The following DNAI3 variants were observed in gnomAD, a reference collection of about 807,000 sequenced individuals.
DNAI3 encodes dynein axonemal intermediate chain 3.
In DNAI3, 83 loss-of-function variants were observed where a neutral mutation model predicts 115.5. The observed-to-expected ratio is 0.72, with a 90% CI of 0.60 to 0.86. The LOEUF (loss-of-function observed/expected upper bound fraction) is 0.86, where lower values mean the gene tolerates loss of function less well. Ranked by LOEUF, DNAI3 falls within the 40% of genes least tolerant of loss-of-function variation. The pLI, the probability that DNAI3 is intolerant of heterozygous loss-of-function variation, is 0.00. For synonymous variants in DNAI3, 320 were observed against 347.0 expected (o/e 0.92, Z 0.86); for missense variants, 1,004 against 1,075.8 (o/e 0.93, Z 0.93).
At chr1:85,067,488 G>T (rs1166003022) in intron 1 of DNAI3, among the ~76,000 whole-genome samples, 1 of 152,132 alleles carries the variant, frequency 6.6e-6, no homozygotes. Flanking sequence ...CAGGACACTT[G>T]TTTACTTTGA....
intron 1 of DNAI3, among the ~76,000 whole-genome samples, chr1:85,066,314 C>CATTTTTTTTT (rs1553164760): frequency 2.9e-5 from 2 of 70,014 alleles, no homozygotes; most frequent in African/African-American, 1.2e-4. Flanking sequence ...TTCTGCTACT[C>CATTTTTTTTT]TTTTTTTTTT....
chr1:85,071,904 T>C, intron 1 of DNAI3, 24 bp from the exon 2 acceptor site: 2 of 1,584,948 alleles, frequency 1.3e-6, no homozygotes, highest in Non-Finnish European at 8.6e-7. Flanking sequence ...AACAATTTAC[T>C]AATAATATCA....
intron 3 of DNAI3, among the ~76,000 whole-genome samples, chr1:85,074,354 C>T (rs1389515893): frequency 2.6e-5 from 4 of 152,192 alleles, no homozygotes; most frequent in Non-Finnish European, 5.9e-5. Context: ...TTGGGCACAA[C>T]TTGCAGTGGT....
intron 15 of DNAI3, among the ~76,000 whole-genome samples, chr1:85,109,455 A>G (rs188099515): frequency 6.6e-6 from 1 of 152,318 alleles, no homozygotes. Context: ...AATAGTTCAA[A>G]CAAACAACCC....
chr1:85,082,217 C>T lies in DNAI3; in HGVS notation c.286-83C>T, dbSNP rs145854804. On this transcript the variant is annotated intron_variant, in intron 4 of 22. Transcript: ENST00000294664. Reference sequence around the variant, plus strand: ...TTATCTTCTATAATTGGTTGATTAGCGAAATGTGAATTTTGTGTTGGCATC... The same window carrying T: ...TTATCTTCTATAATTGGTTGATTAGTGAAATGTGAATTTTGTGTTGGCATC... 2,350 of 1,104,030 alleles carry T rather than the reference C, an allele frequency of 2.1e-3. 80 individuals carry two copies. The Admixed American group carries it at 0.047, about 22-fold the overall frequency. The allele number at this position is 1,104,030 out of a possible 1,614,324, so 68.4% of individuals were successfully genotyped here.
chr1:85,087,565 T>C lies in DNAI3; in HGVS notation c.740+1535T>C, dbSNP rs112101140. On this transcript the variant is annotated intron_variant, in intron 7 of 22. Coordinates refer to ENST00000294664, the MANE Select transcript of DNAI3 (RefSeq NM_145172.5). ...TGATTTGTGTTTTTCGTCATCTCTC[T>C]TCTCTTCACTCTGCCCTTGGAATTT... Among the ~76,000 whole-genome samples, 1,064 of 152,240 alleles carry C rather than the reference T, an allele frequency of 7.0e-3. 16 individuals are homozygous for C. The highest frequency in any genetic ancestry group is 0.024 in the African/African-American group (984 of 41,534).
intron 1 of DNAI3, among the ~76,000 whole-genome samples, chr1:85,071,032 G>T (rs1654255683): frequency 6.6e-6 from 1 of 152,214 alleles, no homozygotes; most frequent in African/African-American, 2.4e-5. Context: ...AGTCTGTGTT[G>T]ATTTGTTAAA....
At chr1:85,077,796 C>T (rs1319269534) in intron 3 of DNAI3, among the ~76,000 whole-genome samples, 1 of 151,310 alleles carries the variant, frequency 6.6e-6, no homozygotes, top group Non-Finnish European at 1.5e-5. Flanking sequence ...TCAACTTGTA[C>T]ATATTGTATG....
chr1:85,075,788 C>G (rs988035901), intron 3 of DNAI3, among the ~76,000 whole-genome samples: 9 of 152,136 alleles, frequency 5.9e-5, no homozygotes, highest in Non-Finnish European at 1.0e-4. Flanking sequence ...TTCTTATTGC[C>G]TTAGCTCTAT....
At chr1:85,090,834 C>T (rs541054758) in intron 8 of DNAI3, among the ~76,000 whole-genome samples, 2 of 152,238 alleles carry the variant, frequency 1.3e-5, no homozygotes, top group African/African-American at 4.8e-5. Flanking sequence ...CAAGCTGATA[C>T]TAGAGTTTAG....
intron 16 of DNAI3, among the ~76,000 whole-genome samples, chr1:85,116,282 A>G (rs369645885): frequency 6.6e-6 from 1 of 152,196 alleles, no homozygotes; most frequent in African/African-American, 2.4e-5. Context: ...AACTTGAGTC[A>G]TTCCTGATTC....
intron 17 of DNAI3, among the ~76,000 whole-genome samples, chr1:85,118,452 G>A (rs1007997523): frequency 2.6e-5 from 4 of 152,076 alleles, no homozygotes; most frequent in African/African-American, 7.2e-5. Flanking sequence ...AAGAAATGAG[G>A]CTCAGAACTT....
chr1:85,069,209 C>T (rs1212139243), intron 1 of DNAI3, among the ~76,000 whole-genome samples: 1 of 152,144 alleles, frequency 6.6e-6, no homozygotes, highest in Admixed American at 6.5e-5. Flanking sequence ...CAGGCATGAT[C>T]CTTCCCCAGA....
Position 85,124,189 on chromosome 1 carries a change from TACA to T in DNAI3, c.2053_2055del (p.Asn685del). 1.2e-6 allele frequency: 2 copies of T among 1,614,200 alleles called. No individual in the cohort carries two copies. The highest frequency in any genetic ancestry group is 1.7e-6 in the Non-Finnish European group (2 of 1,180,026). On this transcript the variant is annotated inframe_deletion, in exon 19 of 23. Transcript: ENST00000294664. ...CCACACTATTCAGAGATCACCTTTC[TACA>T]ACGACATTATTCTCACGGTTGGAGG...
intron 19 of DNAI3, among the ~76,000 whole-genome samples, chr1:85,124,699 T>G (rs1656083958): frequency 2.6e-5 from 4 of 152,146 alleles, no homozygotes; most frequent in Admixed American, 1.3e-4. Flanking sequence ...CCCAGCTTTT[T>G]TGTGTGTGTT....
intron 18 of DNAI3, 107 bp downstream of exon 18, chr1:85,121,921 G>T (rs1007632259): frequency 3.3e-6 from 4 of 1,198,224 alleles, no homozygotes; most frequent in Non-Finnish European, 3.7e-6. Context: ...TAATGGGAGG[G>T]AAGGCTCCTA....
intron 3 of DNAI3, among the ~76,000 whole-genome samples, chr1:85,076,846 T>G (rs2100561524): frequency 6.6e-6 from 1 of 152,250 alleles, no homozygotes; most frequent in Admixed American, 6.5e-5. Flanking sequence ...TTGCCAGAAG[T>G]GGTTAATAGC....
intron 10 of DNAI3, among the ~76,000 whole-genome samples, chr1:85,094,934 A>T (rs747808613): frequency 6.6e-6 from 1 of 152,218 alleles, no homozygotes; most frequent in Non-Finnish European, 1.5e-5. Context: ...GTGGGAGAGC[A>T]CTGGGGAGTG....
At chr1:85,076,638 C>T (rs1654463421) in intron 3 of DNAI3, among the ~76,000 whole-genome samples, 1 of 152,158 alleles carries the variant, frequency 6.6e-6, no homozygotes, top group African/African-American at 2.4e-5. Flanking sequence ...GAAAACTTCC[C>T]TTTATAAAAC....
Sources: allele counts gnomAD v4.1 joint callset (sites outside exome capture counted in the v4.1 genomes callset), GRCh38; gene constraint gnomAD v4.1.1; transcripts MANE v1.5; gene names NCBI Gene and HGNC (gene_info 2026-07-23, HGNC 2026-07-21).